Variants in ITGAV observed in about 807,000 individuals in gnomAD.
The protein encoded by ITGAV is integrin alpha-V.
A neutral mutation model predicts 143.8 loss-of-function variants in ITGAV; 76 were observed. The observed-to-expected ratio is 0.53, with a 90% CI of 0.44 to 0.64. The LOEUF is 0.64. ITGAV is among the 30% of genes least tolerant of loss of function. The pLI, the probability that ITGAV is intolerant of heterozygous loss-of-function variation, is 0.00. For synonymous variants in ITGAV, 453 were observed against 446.7 expected, an observed-to-expected ratio of 1.01 and a Z score of -0.18; for missense variants, 1,193 against 1,274.7, an observed-to-expected ratio of 0.94 and a Z score of 0.98.
chr2:186,638,931 A>G (rs1248433959), intron 10 of ITGAV, among the ~76,000 whole-genome samples: 3 of 147,694 alleles, frequency 2.0e-5, no homozygotes, highest in Admixed American at 6.8e-5. Flanking sequence ...GCAAAATCAC[A>G]TGCATACAAA....
chr2:186,625,689 G>GAT (rs1687658868), intron 4 of ITGAV, 102 bp downstream of exon 4: 22 of 552,756 alleles, frequency 4.0e-5, no homozygotes, highest in Middle Eastern at 3.8e-4. Context: ...GAGAGAGAGA[G>GAT]ATATTAAAAG....
chr2:186,630,802 A>G lies in ITGAV; in HGVS notation c.529A>G (p.Ile177Val). The G allele has an allele frequency of 6.4e-7, 1 of 1,565,726 alleles. No homozygotes were observed. The highest frequency in any genetic ancestry group is 8.8e-7 in the Non-Finnish European group (1 of 1,138,588). ...VEYAPCRSQD[I>V]DADGQGFCQG... is the part of the protein sequence containing the mutation. ...TTCCAATCTTTTTATTTTAGAAGAT[A>G]TTGATGCTGATGGACAGGGATTTTG... Residue 177 changes from isoleucine (I) to valine (V), a missense_variant, in exon 5 of 30, where the codon ATT (isoleucine) becomes GTT (valine). Transcript: ENST00000261023.
chr2:186,594,856 C>G (rs981314814), intron 1 of ITGAV, among the ~76,000 whole-genome samples: 5 of 152,068 alleles, frequency 3.3e-5, no homozygotes, highest in Admixed American at 3.3e-4. Context: ...TTTTTCTCAT[C>G]ATAAATAATA....
At chr2:186,620,956 A>G (rs879180732) in intron 2 of ITGAV, among the ~76,000 whole-genome samples, 3 of 152,222 alleles carry the variant, frequency 2.0e-5, no homozygotes, top group Non-Finnish European at 2.9e-5. Context: ...TACATATAAA[A>G]AACATGCATG....
At position 186,637,931 on chromosome 2, in the gene ITGAV, C is replaced by G. The variant is rs541824529; in HGVS notation, c.803-346C>G. Among the ~76,000 whole-genome samples, 18 of 152,288 alleles carry G rather than the reference C, an allele frequency of 1.2e-4. No individual in the cohort carries two copies. In the South Asian group the frequency reaches 2.7e-3, roughly 23 times the overall value. ...TGCCACAGCCACTTCTACCCCACTTCAGTTTGCTCTGTATTATTTTTCATT... is the reference window on the plus strand; with the variant it reads ...TGCCACAGCCACTTCTACCCCACTTGAGTTTGCTCTGTATTATTTTTCATT... On this transcript the variant is annotated intron_variant, in intron 8 of 29. Transcript: ENST00000261023.
chr2:186,656,300 C>T lies in ITGAV; in HGVS notation c.1618C>T (p.Arg540Ter), dbSNP rs1375551580. 5 of 1,586,698 alleles carry T rather than the reference C, an allele frequency of 3.2e-6. No homozygotes were observed. Among genetic ancestry groups the T allele is most frequent in the South Asian group, 1.2e-5 (1 of 86,022 alleles). ...ACTCAAGCAAAAGGGAGCAATTCGACGAGCACTGTTTCTCTACAGCAGGTC... is the reference window on the plus strand; with the variant it reads ...ACTCAAGCAAAAGGGAGCAATTCGATGAGCACTGTTTCTCTACAGCAGGTC... ...DKLKQKGAIR[R>*]ALFLYSRSPS... The change falls in exon 17 of 30, where the codon CGA (arginine) becomes TGA (stop). Residue 540 changes from arginine to a stop codon, truncating the protein, a stop_gained. Transcript: ENST00000261023. LOFTEE classifies it high-confidence loss of function.
intron 29 of ITGAV, 119 bp from the exon 30 acceptor site, chr2:186,677,078 G>T: frequency 8.1e-7 from 1 of 1,228,824 alleles, no homozygotes; most frequent in South Asian, 1.3e-5. Flanking sequence ...TTATATGAGG[G>T]AAGATAAATT....
At chr2:186,645,916 G>A (rs926731751) in intron 12 of ITGAV, among the ~76,000 whole-genome samples, 9 of 152,154 alleles carry the variant, frequency 5.9e-5, no homozygotes, top group African/African-American at 1.9e-4. Context: ...AGCTTGCAGT[G>A]AGCCAAGATT....
At chr2:186,643,107 C>T (rs1013388733) in intron 12 of ITGAV, among the ~76,000 whole-genome samples, 7 of 152,174 alleles carry the variant, frequency 4.6e-5, no homozygotes, top group Non-Finnish European at 1.0e-4. Flanking sequence ...CTCTGTCTCC[C>T]AGGTTTTCTG....
intron 18 of ITGAV, among the ~76,000 whole-genome samples, 171 bp from the exon 19 acceptor site, chr2:186,663,597 A>G (rs1198348589): frequency 1.3e-5 from 2 of 152,202 alleles, no homozygotes; most frequent in Non-Finnish European, 2.9e-5. Flanking sequence ...CTGCTTAAAA[A>G]TAAGTGGCCA....
At chr2:186,637,139 T>A in intron 8 of ITGAV, 30 bp downstream of exon 8, 1 of 1,555,170 alleles carries the variant, frequency 6.4e-7, no homozygotes, top group Non-Finnish European at 8.9e-7. Context: ...TATCTAATCT[T>A]TAAAAAAATT....
intron 2 of ITGAV, among the ~76,000 whole-genome samples, chr2:186,612,367 T>G (rs1318446927): frequency 1.4e-5 from 2 of 138,144 alleles, no homozygotes; most frequent in Non-Finnish European, 3.2e-5. Flanking sequence ...CCTACCTGTT[T>G]AATTTTTTTT....
chr2:186,648,746 A>G lies in ITGAV; in HGVS notation c.1352-1094A>G, dbSNP rs541292130. On this transcript the variant is annotated intron_variant, in intron 13 of 29. Coordinates refer to ENST00000261023, the MANE Select transcript of ITGAV (RefSeq NM_002210.5). ...CTGACTTCGTGATCTGCCTGCCTCA[A>G]CCTCCCAAAGTGCTGGGATTACAGG... Among the ~76,000 whole-genome samples the G allele has an allele frequency of 3.3e-3, 500 of 151,770 alleles. 1 individual carries two copies. Among genetic ancestry groups the G allele is most frequent in the African/African-American group, 4.8e-3 (199 of 41,430 alleles).
At chr2:186,668,635 G>C (rs1688980009) in intron 24 of ITGAV, 127 bp from the exon 25 acceptor site, 2 of 750,122 alleles carry the variant, frequency 2.7e-6, no homozygotes, top group East Asian at 5.3e-5. Flanking sequence ...TGTAATTAGA[G>C]GTTAACTGTG....
chr2:186,667,804 C>A, intron 24 of ITGAV, 28 bp downstream of exon 24: 2 of 1,446,680 alleles, frequency 1.4e-6, no homozygotes, highest in Non-Finnish European at 1.9e-6. Context: ...TTTACTCAAA[C>A]CTCGTGAGCA....
chr2:186,659,288 G>A (rs1296249185), intron 18 of ITGAV, 113 bp downstream of exon 18: 1 of 734,280 alleles, frequency 1.4e-6, no homozygotes, highest in East Asian at 3.4e-5. Flanking sequence ...TTTAGTCAAA[G>A]TCAGAAGTTT....
rs1687557593 is a variant in ITGAV, at chr2:186,622,511, A to G, written c.408+81A>G. 8 of 951,896 alleles carry G rather than the reference A, an allele frequency of 8.4e-6. No homozygotes were observed. In the South Asian group the frequency reaches 1.1e-4, roughly 13 times the overall value. The allele number at this position is 951,896 out of a possible 1,614,324, so 59.0% of individuals were successfully genotyped here. A position where few individuals can be genotyped will look rare whatever the true frequency, so the allele number is the denominator to read the frequency against. On this transcript the variant is annotated intron_variant, in intron 3 of 29. Transcript: ENST00000261023. The stretch of plus-strand genomic sequence containing the variant: ...CAGAAGGTTTTATATTTTCAGGCTG[A>G]TAGTAAAATTCAGTATGCTCAAGGG...
chr2:186,602,257 C>T (rs61763624), intron 2 of ITGAV, 106 bp downstream of exon 2: 4 of 772,974 alleles, frequency 5.2e-6, no homozygotes, highest in South Asian at 2.4e-5. Flanking sequence ...TAGATAAGCA[C>T]CTCAGCTTCA....
chr2:186,607,954 G>A (rs1687114885), intron 2 of ITGAV, among the ~76,000 whole-genome samples: 1 of 152,128 alleles, frequency 6.6e-6, no homozygotes, highest in Admixed American at 6.5e-5. Flanking sequence ...ACTGGCATGT[G>A]TTTTGTGGCG....
Sources: gnomAD v4.1 joint callset for allele counts (sites outside exome capture counted in the v4.1 genomes callset) on GRCh38, gnomAD v4.1.1 for gene constraint, MANE v1.5 for transcripts, NCBI Gene and HGNC (gene_info 2026-07-23, HGNC 2026-07-21) for gene names.